CASK: variants seen among roughly 807,000 people sequenced by gnomAD.
The protein encoded by CASK is calcium/calmodulin dependent serine protein kinase, also known as peripheral plasma membrane protein CASK.
In CASK, 4 loss-of-function variants were observed where a neutral mutation model predicts 82.9. The ratio of observed to expected loss-of-function variants is 0.05; its 90% CI spans 0.02 to 0.11. The LOEUF (loss-of-function observed/expected upper bound fraction) is 0.11. Ranked by LOEUF, CASK falls within the 10% of genes least tolerant of loss-of-function variation. The probability of loss-of-function intolerance (pLI) is 1.00; values close to 1 mark genes in which losing one functional copy is unlikely to be tolerated. For synonymous variants in CASK, 259 were observed against 253.5 expected (o/e 1.02, Z -0.20); for missense variants, 358 against 720.9 (o/e 0.50, Z 5.76).
chrX:41,635,886 ATTC>A (rs2066543776), intron 9 of CASK: 1 of 86,500 alleles, frequency 1.2e-5, no homozygotes, highest in South Asian at 5.1e-4. Context: ...CCTAGTTCCA[ATTC>A]TTTTTTTTTT....
intron 5 of CASK, among the ~76,000 whole-genome samples, chrX:41,710,164 T>C (rs1222542837): frequency 9.9e-6 from 1 of 100,705 alleles, no homozygotes; most frequent in Non-Finnish European, 2.0e-5. Flanking sequence ...TGGAACAGCA[T>C]TATTTTTGGA....
intron 3 of CASK, among the ~76,000 whole-genome samples, chrX:41,754,268 G>C (rs775409469): frequency 9.1e-4 from 100 of 110,363 alleles, no homozygotes; most frequent in African/African-American, 3.0e-3. Context: ...AGCTGGGCAT[G>C]GAGGGGCCTG....
chrX:41,669,024 C>G (rs2067158061), intron 6 of CASK, among the ~76,000 whole-genome samples: 1 of 111,707 alleles, frequency 9.0e-6, no homozygotes, highest in African/African-American at 3.3e-5. Context: ...CGTGCCCAAC[C>G]TTAATTACCA....
intron 8 of CASK, among the ~76,000 whole-genome samples, chrX:41,637,666 C>G (rs2066581283): frequency 9.2e-6 from 1 of 108,952 alleles, no homozygotes; most frequent in Middle Eastern, 4.6e-3. Flanking sequence ...TTTTTAGAGA[C>G]AGGGTCTCAT....
rs766656389 is a variant in CASK, at chrX:41,520,560, T to C, written c.2641A>G (p.Ile881Val). 1 of 1,208,262 alleles carries C rather than the reference T, an allele frequency of 8.3e-7. No homozygotes were observed. The highest frequency in any genetic ancestry group is 1.7e-5 in the African/African-American group (1 of 57,723). ...TAGTGTGCATATGTTCTCTGTAAGA[T>C]GTCAGACTCCTTCTGCAGACGCTGA... ...SLQRLQKESD[I>V]LQRTYAHYFD... The change falls in exon 27 of 27, where the codon ATC becomes GTC. Residue 881 changes from isoleucine (I) to valine (V), a missense_variant. By Grantham distance (29) the Ile-to-Val change is conservative (BLOSUM62 3). Transcript: ENST00000378163.
At chrX:41,909,697 C>T (rs1014854910) in intron 1 of CASK, among the ~76,000 whole-genome samples, 5 of 110,413 alleles carry the variant, frequency 4.5e-5, no homozygotes, top group African/African-American at 1.3e-4. Flanking sequence ...CTATGCCTCC[C>T]GGGTTCAAAC....
chrX:41,640,890 T>C (rs2066637484), intron 8 of CASK, among the ~76,000 whole-genome samples: 1 of 108,636 alleles, frequency 9.2e-6, no homozygotes, highest in Non-Finnish European at 1.9e-5. Context: ...TTTTTTTAAA[T>C]AAAATTATGC....
At chrX:41,860,819 T>C in intron 1 of CASK, among the ~76,000 whole-genome samples, 1 of 112,666 alleles carries the variant, frequency 8.9e-6, no homozygotes, top group South Asian at 3.7e-4. Flanking sequence ...TGGAAAATTA[T>C]TAAAATAAAA....
intron 26 of CASK, among the ~76,000 whole-genome samples, chrX:41,521,515 G>A (rs1218665398): frequency 8.9e-6 from 1 of 112,134 alleles, no homozygotes; most frequent in African/African-American, 3.2e-5. Context: ...ACAGGAGGAG[G>A]GAGTTTAGGG....
chrX:41,871,302 C>T (rs935413746), intron 1 of CASK, among the ~76,000 whole-genome samples: 2 of 111,707 alleles, frequency 1.8e-5, no homozygotes, highest in East Asian at 2.8e-4. Flanking sequence ...TAACAGGAAA[C>T]AGTATCACTT....
At chrX:41,913,239 C>T (rs1310318653) in intron 1 of CASK, among the ~76,000 whole-genome samples, 2 of 112,040 alleles carry the variant, frequency 1.8e-5, no homozygotes, top group African/African-American at 6.5e-5. Context: ...AATAGCAATA[C>T]CTAATGCTAA....
chrX:41,582,732 T>G (rs1317418699), intron 14 of CASK, among the ~76,000 whole-genome samples: 1 of 112,104 alleles, frequency 8.9e-6, no homozygotes, highest in Non-Finnish European at 1.9e-5. Context: ...CTTCTGCTCC[T>G]TGAATCTACA....
In CASK at chrX:41,539,688, C is replaced by T. The variant is rs2064922021; in HGVS notation, c.2155+3003G>A. ...TCTGTATATTGGGATGACCTTTCAT[C>T]GTAGCTAAAAGCAGAACAGCTGATT... On this transcript the variant is annotated intron_variant, in intron 22 of 26. Transcript: ENST00000378163. 3.6e-5 allele frequency among the ~76,000 whole-genome samples: 4 copies of T among 112,214 alleles called. No homozygotes were observed. In the South Asian group the frequency reaches 1.5e-3, roughly 41 times the overall value.
intron 3 of CASK, among the ~76,000 whole-genome samples, chrX:41,778,478 G>A (rs984332584): frequency 1.8e-5 from 2 of 110,691 alleles, no homozygotes; most frequent in Admixed American, 9.6e-5. Flanking sequence ...TGATCCGCCC[G>A]CCTTGGCCTC....
intron 2 of CASK, among the ~76,000 whole-genome samples, chrX:41,794,221 A>G (rs1016409635): frequency 2.7e-5 from 3 of 112,555 alleles, no homozygotes; most frequent in African/African-American, 9.7e-5. Flanking sequence ...TGAATAAAGA[A>G]AGGAAGCAGC....
intron 3 of CASK, among the ~76,000 whole-genome samples, chrX:41,746,885 C>T (rs780271536): frequency 9.8e-5 from 11 of 111,759 alleles, no homozygotes; most frequent in African/African-American, 3.3e-4. Context: ...GTGATAGGGA[C>T]AAGATCGAAA....
intron 5 of CASK, among the ~76,000 whole-genome samples, chrX:41,692,354 G>A (rs1461939207): frequency 9.0e-6 from 1 of 111,597 alleles, no homozygotes. Context: ...ACCCTCAAGA[G>A]GATTCTAATA....
At chrX:41,616,087 T>C (rs773450383) in intron 11 of CASK, among the ~76,000 whole-genome samples, 1 of 112,219 alleles carries the variant, frequency 8.9e-6, no homozygotes, top group Non-Finnish European at 1.9e-5. Context: ...GTATCATTTG[T>C]TGGTCTGTGA....
chrX:41,611,227 T>A (rs1331805358), intron 11 of CASK, among the ~76,000 whole-genome samples: 2 of 111,630 alleles, frequency 1.8e-5, no homozygotes, highest in Admixed American at 1.9e-4. Context: ...AAGATAAAAA[T>A]CTTTATGCTC....
Sources: allele counts gnomAD v4.1 joint callset (sites outside exome capture counted in the v4.1 genomes callset), GRCh38; gene constraint gnomAD v4.1.1; transcripts MANE v1.5; gene names NCBI Gene and HGNC (gene_info 2026-07-23, HGNC 2026-07-21).